CPT1A: variants seen among roughly 807,000 people sequenced by gnomAD.
CPT1A encodes the protein carnitine O-palmitoyltransferase 1, liver isoform.
A neutral mutation model predicts 100.8 loss-of-function variants in CPT1A; 64 were observed. That is an observed-to-expected ratio of 0.63 (90% CI 0.52 to 0.78). The LOEUF is 0.78. Ranked by LOEUF, CPT1A falls within the 30% of genes least tolerant of loss-of-function variation. CPT1A has a pLI of 0.00. For synonymous variants in CPT1A, 363 were observed against 396.0 expected, an observed-to-expected ratio of 0.92 and a Z score of 0.99; for missense variants, 802 against 1,034.1, an observed-to-expected ratio of 0.78 and a Z score of 3.08.
At chr11:68,771,787 G>A (rs1253545290) in intron 14 of CPT1A, among the ~76,000 whole-genome samples, 2 of 152,174 alleles carry the variant, frequency 1.3e-5, no homozygotes, top group Non-Finnish European at 2.9e-5. Flanking sequence ...CTCTGGAGCC[G>A]CTGGCCCGCT....
At chr11:68,762,881 C>A (rs532299153) in intron 14 of CPT1A, 120 bp from the exon 15 acceptor site, 10 of 1,307,628 alleles carry the variant, frequency 7.6e-6, no homozygotes, top group Non-Finnish European at 1.1e-5. Context: ...TTTTTTGAGA[C>A]GGGGTCTTGC....
At chr11:68,793,027 G>A (rs1855659968) in intron 9 of CPT1A, among the ~76,000 whole-genome samples, 1 of 147,650 alleles carries the variant, frequency 6.8e-6, no homozygotes, top group African/African-American at 2.5e-5. Context: ...CAGCCTGGGT[G>A]GCAGAGAGAG....
chr11:68,822,920 G>A (rs1394695337), intron 1 of CPT1A, among the ~76,000 whole-genome samples: 2 of 152,276 alleles, frequency 1.3e-5, no homozygotes, highest in South Asian at 2.1e-4. Context: ...GGTTGCCGGG[G>A]GCTTGGAGCA....
chr11:68,757,592 A>G lies in CPT1A; in HGVS notation c.*52T>C. 1.2e-6 allele frequency: 2 copies of G among 1,613,568 alleles called. No homozygotes were observed. The highest frequency in any genetic ancestry group is 1.7e-6 in the Non-Finnish European group (2 of 1,179,804). On this transcript the variant is annotated 3_prime_UTR_variant, in exon 19 of 19. Coordinates refer to ENST00000265641, the MANE Select transcript of CPT1A (RefSeq NM_001876.4). ...AGGTCAGGATTAATGCCTATTTTTC[A>G]TTTGGTTTGCATCAGAAGAGCTCGT...
chr11:68,836,994 T>C (rs563877295), intron 1 of CPT1A, among the ~76,000 whole-genome samples: 3 of 152,132 alleles, frequency 2.0e-5, no homozygotes, highest in African/African-American at 7.2e-5. Context: ...TGAAGAATCA[T>C]TTTATAAAAA....
chr11:68,757,858 C>T (rs1946721801), intron 18 of CPT1A, 128 bp from the exon 19 acceptor site: 1 of 794,612 alleles, frequency 1.3e-6, no homozygotes, highest in Non-Finnish European at 2.1e-6. Flanking sequence ...TAAGATCTGA[C>T]CAACGTCTTA....
chr11:68,803,885 A>G (rs968665461), intron 5 of CPT1A, 115 bp downstream of exon 5: 4 of 791,712 alleles, frequency 5.1e-6, no homozygotes, highest in Middle Eastern at 2.4e-4. Flanking sequence ...CCTACCAGGC[A>G]CACCGCTGAA....
rs569513646 is a variant in CPT1A, at chr11:68,822,757, A to G, written c.-13-7270T>C. Reference sequence around the variant, plus strand: ...TGTGGAATAGTATTCAGCAATGAAAAGGAATGGACCTCCGACACCTGCTGC... The same window carrying G: ...TGTGGAATAGTATTCAGCAATGAAAGGGAATGGACCTCCGACACCTGCTGC... On this transcript the variant is annotated intron_variant, in intron 1 of 18. Transcript: ENST00000265641. Among the ~76,000 whole-genome samples, 112 of 152,320 alleles carry G rather than the reference A, an allele frequency of 7.4e-4. No individual in the cohort carries two copies. In the South Asian group the frequency reaches 0.022, roughly 29 times the overall value.
chr11:68,765,864 C>T (rs1045839559), intron 14 of CPT1A, among the ~76,000 whole-genome samples: 15 of 149,128 alleles, frequency 1.0e-4, no homozygotes, highest in South Asian at 6.4e-4. Context: ...CAGAACAATG[C>T]GGGAGGGGCT....
At position 68,762,723 on chromosome 11, in the gene CPT1A, C is replaced by CA; in HGVS notation, c.1778dup (p.Met593IlefsTer19). 1.2e-6 allele frequency: 2 copies of CA among 1,614,074 alleles called. No homozygotes were observed. The highest frequency in any genetic ancestry group is 1.7e-6 in the Non-Finnish European group (2 of 1,180,020). Reference sequence around the variant, plus strand: ...TCCTCCCCTCTCGGAAGAGCCGGGTCATGGAGGCCTCGTATGTGAGGCAAA... The same window carrying CA: ...TCCTCCCCTCTCGGAAGAGCCGGGTCAATGGAGGCCTCGTATGTGAGGCAAA... On this transcript the variant is annotated frameshift_variant, in exon 15 of 19. Coordinates refer to ENST00000265641, the MANE Select transcript of CPT1A (RefSeq NM_001876.4). LOFTEE classifies it high-confidence loss of function.
chr11:68,794,821 G>A lies in CPT1A; in HGVS notation c.862C>T (p.Arg288Trp), dbSNP rs750821338. The change falls in exon 8 of 19, where the codon CGG becomes TGG. Residue 288 changes from arginine to tryptophan, a missense_variant. Coordinates refer to ENST00000265641, the MANE Select transcript of CPT1A (RefSeq NM_001876.4). The part of the protein sequence containing the change: ...AILLYRRKLD[R>W]EEIKPIRLLG... ...TTGCCTACTGGTTTGATTTCCTCCCGGTCCAGTTTGCGCCTGTAAAGCAGG... is the reference window on the plus strand; with the variant it reads ...TTGCCTACTGGTTTGATTTCCTCCCAGTCCAGTTTGCGCCTGTAAAGCAGG... 7 of 1,613,840 alleles carry A rather than the reference G, an allele frequency of 4.3e-6. No homozygotes were observed. The highest frequency in any genetic ancestry group is 1.7e-5 in the Admixed American group (1 of 59,988).
intron 14 of CPT1A, among the ~76,000 whole-genome samples, chr11:68,771,655 A>G (rs1854993640): frequency 1.3e-5 from 2 of 152,228 alleles, no homozygotes; most frequent in African/African-American, 4.8e-5. Context: ...CAGTCTTTAC[A>G]GACTGTATTA....
In CPT1A at chr11:68,754,960, G is replaced by C. The variant is rs189967951; in HGVS notation, c.*2684C>G. 2.8e-6 allele frequency: 2 copies of C among 718,922 alleles called. No homozygotes were observed. The highest frequency in any genetic ancestry group is 5.3e-6 in the Non-Finnish European group (2 of 380,560). The allele number at this position is 718,922 out of a possible 1,614,324, so 44.5% of individuals were successfully genotyped here. On this transcript the variant is annotated 3_prime_UTR_variant, in exon 19 of 19. Transcript: ENST00000265641. Reference sequence around the variant, plus strand: ...CATTTCTAAGATTTACATCCAAAGAGCATACTGTATTTACATGCACCGGTC... The same window carrying C: ...CATTTCTAAGATTTACATCCAAAGACCATACTGTATTTACATGCACCGGTC...
chr11:68,768,757 C>A (rs1315823452), intron 14 of CPT1A, among the ~76,000 whole-genome samples: 1 of 152,136 alleles, frequency 6.6e-6, no homozygotes, highest in Non-Finnish European at 1.5e-5. Context: ...TTTTTGTGTA[C>A]CTACCCTTTT....
intron 3 of CPT1A, among the ~76,000 whole-genome samples, chr11:68,809,481 G>A (rs1389177227): frequency 6.6e-6 from 1 of 152,084 alleles, no homozygotes; most frequent in Non-Finnish European, 1.5e-5. Context: ...CACATGACAC[G>A]GATGACTCCA....
At chr11:68,800,219 C>T (rs971005636) in intron 5 of CPT1A, among the ~76,000 whole-genome samples, 3 of 152,064 alleles carry the variant, frequency 2.0e-5, no homozygotes, top group African/African-American at 7.2e-5. Context: ...GTTTCCAGCC[C>T]CCACCCCGCC....
Position 68,756,956 on chromosome 11 carries a change from C to G in CPT1A, c.*688G>C, listed in dbSNP as rs1946705256. On this transcript the variant is annotated 3_prime_UTR_variant, in exon 19 of 19. Coordinates refer to ENST00000265641, the MANE Select transcript of CPT1A (RefSeq NM_001876.4). ...CACCCAAAGACTCTACAAAATAAATCTTTCTCTCCATCTCCCTTACATTTA... is the reference window on the plus strand; with the variant it reads ...CACCCAAAGACTCTACAAAATAAATGTTTCTCTCCATCTCCCTTACATTTA... The G allele has an allele frequency of 6.5e-6, 1 of 153,560 alleles. No individual in the cohort carries two copies. The highest frequency in any genetic ancestry group is 1.4e-5 in the Non-Finnish European group (1 of 69,018). The allele number at this position is 153,560 out of a possible 1,614,324, so 9.5% of individuals were successfully genotyped here.
intron 9 of CPT1A, among the ~76,000 whole-genome samples, chr11:68,788,966 C>T (rs1264592065): frequency 1.3e-5 from 2 of 152,078 alleles, no homozygotes; most frequent in African/African-American, 4.8e-5. Flanking sequence ...ACTGTTTGAC[C>T]AATGCATGCA....
intron 5 of CPT1A, among the ~76,000 whole-genome samples, chr11:68,803,410 A>G (rs1855957655): frequency 6.6e-6 from 1 of 152,180 alleles, no homozygotes; most frequent in African/African-American, 2.4e-5. Context: ...TTTAGTAATT[A>G]TGTAAAGTAG....
Sources: gnomAD v4.1 joint callset for allele counts (sites outside exome capture counted in the v4.1 genomes callset) on GRCh38, gnomAD v4.1.1 for gene constraint, MANE v1.5 for transcripts, NCBI Gene and HGNC (gene_info 2026-07-23, HGNC 2026-07-21) for gene names.